GET4: variants seen among roughly 807,000 people sequenced by gnomAD.
GET4 encodes the protein guided entry of tail-anchored proteins factor 4.
GET4 carries 20 observed loss-of-function variants against 40.0 expected under a neutral mutation model. The observed-to-expected ratio is 0.50, with a 90% CI of 0.35 to 0.73. The LOEUF is 0.73. Among genes scored for constraint, GET4 ranks in the 30% least tolerant of loss-of-function variants. The probability of loss-of-function intolerance (pLI) is 0.01; values close to 1 mark genes in which losing one functional copy is unlikely to be tolerated. For missense variants in GET4, 557 were observed against 454.0 expected, an observed-to-expected ratio of 1.23 and a Z score of -2.06; for synonymous variants, 280 against 194.6, an observed-to-expected ratio of 1.44 and a Z score of -3.65.
rs184789538 is a variant in GET4, at chr7:888,967, G to A, written c.466+1448G>A. Among the ~76,000 whole-genome samples, 1,231 of 152,372 alleles carry A rather than the reference G, an allele frequency of 8.1e-3. 13 individuals are homozygous for A. The highest frequency in any genetic ancestry group is 0.013 in the Non-Finnish European group (916 of 68,030). ...GGCCGCCCTCGCCACTCCTGCGCAC[G>A]GGCCCTGTGGGGAGAGCCAGGCAGT... On this transcript the variant is annotated intron_variant, in intron 4 of 8. Coordinates refer to ENST00000265857, the MANE Select transcript of GET4 (RefSeq NM_015949.3).
chr7:889,053 T>C (rs74856929), intron 4 of GET4, among the ~76,000 whole-genome samples: 5,670 of 152,330 alleles, frequency 0.037, 118 homozygotes, highest in Non-Finnish European at 0.048. Context: ...TGGCAGCTCC[T>C]AAGATGGGTA....
At position 896,038 on chromosome 7, in the gene GET4, C is replaced by T. The variant is rs904372989; in HGVS notation, c.*616C>T. ...GTACTTGCAGCTGTGTCCCATGTGG[C>T]ATCCCAGAGCTGCGCCCTGCTGGTC... On this transcript the variant is annotated 3_prime_UTR_variant, in exon 9 of 9. Coordinates refer to ENST00000265857, the MANE Select transcript of GET4 (RefSeq NM_015949.3). 6 of 152,328 alleles carry T rather than the reference C, an allele frequency of 3.9e-5. No homozygotes were observed. Among genetic ancestry groups the T allele is most frequent in the Non-Finnish European group, 7.3e-5 (5 of 68,030 alleles). The allele number at this position is 152,328 out of a possible 1,614,324, so 9.4% of individuals were successfully genotyped here. A position where few individuals can be genotyped will look rare whatever the true frequency, so the allele number is the denominator to read the frequency against.
chr7:892,532 CGT>C (rs1248418393), intron 6 of GET4, 114 bp downstream of exon 6: 17 of 1,142,802 alleles, frequency 1.5e-5, no homozygotes, highest in Non-Finnish European at 1.9e-5. Context: ...TGTGGGTAGC[CGT>C]GTGGGTATAT....
At chr7:893,047 G>A (rs869068608) in intron 6 of GET4, among the ~76,000 whole-genome samples, 1 of 148,844 alleles carries the variant, frequency 6.7e-6, no homozygotes, top group Non-Finnish European at 1.5e-5. Context: ...GCAGGTGAGT[G>A]TTGGGTGTGG....
rs1844174662 is a variant in GET4, at chr7:885,747, C to A, written c.156-309C>A. On this transcript the variant is annotated intron_variant, in intron 1 of 8. Coordinates refer to ENST00000265857, the MANE Select transcript of GET4 (RefSeq NM_015949.3). The stretch of plus-strand genomic sequence containing the variant: ...GCTCCTTCCCTGCGCACCTGCCCTG[C>A]CCAGTGGCCTTTCTGGTCCCAGCTA... 1.3e-5 allele frequency: 5 copies of A among 372,034 alleles called. No individual in the cohort carries two copies. In the South Asian group the frequency reaches 1.5e-4, roughly 11 times the overall value. The allele number at this position is 372,034 out of a possible 1,614,324, so 23.0% of individuals were successfully genotyped here.
At chr7:885,179 C>T (rs1002207928) in intron 1 of GET4, 1 of 152,244 alleles carries the variant, frequency 6.6e-6, no homozygotes, top group Non-Finnish European at 1.5e-5. Context: ...AGCTGATTAA[C>T]TCGTTATGTA....
At chr7:882,749 G>T (rs1418368375) in intron 1 of GET4, 5 of 152,534 alleles carry the variant, frequency 3.3e-5, no homozygotes, top group African/African-American at 1.2e-4. Flanking sequence ...CTGGGACGGG[G>T]AGTCATCTCC....
intron 2 of GET4, 40 bp downstream of exon 2, chr7:886,174 G>C (rs770023785): frequency 7.5e-7 from 1 of 1,336,424 alleles, no homozygotes; most frequent in Non-Finnish European, 1.1e-6. Context: ...TTTCTGCTCC[G>C]GGCAGGCAAG....
rs146762326 is a variant in GET4 at position 890,974 on chromosome 7, C to T, written c.513C>T (p.Asp171=). The T allele has an allele frequency of 1.2e-4, 192 of 1,608,884 alleles. 3 individuals carry two copies. In the African/African-American group the frequency reaches 2.1e-3, roughly 18 times the overall value. The change falls in exon 5 of 9, where the codon GAC becomes GAT. Residue 171 remains aspartate, a synonymous_variant. Coordinates refer to ENST00000265857, the MANE Select transcript of GET4 (RefSeq NM_015949.3). ...GGTATCATTTTCTGCACTCAGCGGA[C>T]GGGGAGGGCTGTGCCAACATGCTGG... ...ESRYHFLHSA[D]GEGCANMLVE...
intron 1 of GET4, among the ~76,000 whole-genome samples, chr7:878,555 GT>G: frequency 6.7e-6 from 1 of 149,296 alleles, no homozygotes; most frequent in South Asian, 2.1e-4. Context: ...GTTTTCAGGG[GT>G]TTTTTCCTTT....
At position 884,770 on chromosome 7, in the gene GET4, C is replaced by A. The variant is rs979918570; in HGVS notation, c.156-1286C>A. 3.1e-5 allele frequency: 5 copies of A among 159,128 alleles called. No homozygotes were observed. The Admixed American group carries it at 3.2e-4, about 10-fold the overall frequency. The allele number at this position is 159,128 out of a possible 1,614,324, so 9.9% of individuals were successfully genotyped here. A position where few individuals can be genotyped will look rare whatever the true frequency, so the allele number is the denominator to read the frequency against. ...GCGTTGCTGTGGCTCTTTATCACCTCCACTGCAATTGGTTTTTGTTTGTTT... is the reference window on the plus strand; with the variant it reads ...GCGTTGCTGTGGCTCTTTATCACCTACACTGCAATTGGTTTTTGTTTGTTT... On this transcript the variant is annotated intron_variant, in intron 1 of 8. Coordinates refer to ENST00000265857, the MANE Select transcript of GET4 (RefSeq NM_015949.3).
In GET4 at chr7:886,037, G is replaced by T. The variant is rs199962638; in HGVS notation, c.156-19G>T. On this transcript the variant is annotated intron_variant, in intron 1 of 8. Coordinates refer to ENST00000265857, the MANE Select transcript of GET4 (RefSeq NM_015949.3). ...GCGAGGGCACGTGGGCGTGGCTCAC[G>T]GTCTCCTCTCTGTGGCAGGTACATG... The T allele has an allele frequency of 1.3e-5, 20 of 1,525,574 alleles. No homozygotes were observed. The highest frequency in any genetic ancestry group is 1.8e-5 in the Non-Finnish European group (20 of 1,100,934). The allele number at this position is 1,525,574 out of a possible 1,614,324, so 94.5% of individuals were successfully genotyped here.
At chr7:877,584 T>G (rs1267895298) in intron 1 of GET4, among the ~76,000 whole-genome samples, 1 of 124,888 alleles carries the variant, frequency 8.0e-6, no homozygotes, top group African/African-American at 3.2e-5. Flanking sequence ...GGCTTCCCTC[T>G]CCTAGCCTCC....
rs1041797491 is a variant in GET4 at position 890,937 on chromosome 7, A to G, written c.476A>G (p.Tyr159Cys). The change falls in exon 5 of 9, where the codon TAT (tyrosine) becomes TGT (cysteine). Residue 159 changes from tyrosine (Y) to cysteine (C), a missense_variant. Transcript: ENST00000265857. The stretch of plus-strand genomic sequence containing the variant: ...TGTCTTTCCTTTGCAGAACAAAACT[A>G]TTGTGAGTCGAGGTATCATTTTCTG... ...LALTLWKEQN[Y>C]CESRYHFLHS... 3.1e-6 allele frequency: 5 copies of G among 1,605,270 alleles called. No homozygotes were observed. Among genetic ancestry groups the G allele is most frequent in the African/African-American group, 2.7e-5 (2 of 74,708 alleles).
intron 1 of GET4, chr7:884,622 G>T (rs193051894): frequency 1.8e-3 from 446 of 244,928 alleles, no homozygotes; most frequent in Non-Finnish European, 2.8e-3. Flanking sequence ...TGTGTTTGGG[G>T]TCCCTGGCTG....
In GET4 at chr7:893,940, CA is replaced by C; in HGVS notation, c.866del (p.Lys289SerfsTer14). Reference protein sequence around the residue: ...IGQLFFGVPPKQTSSYGGLLG... With the variant: ...IGQLFFGVPPXQTSSYGGLLG... ...GACAGCTGTTCTTCGGCGTCCCGCC[CA>C]AGCAGACGTCTTCCTACGGGGGCCT... is the stretch of plus-strand genomic sequence containing the variant. On this transcript the variant is annotated frameshift_variant, in exon 8 of 9. Coordinates refer to ENST00000265857, the MANE Select transcript of GET4 (RefSeq NM_015949.3). LOFTEE classifies it high-confidence loss of function. 1 of 1,607,082 alleles carries C rather than the reference CA, an allele frequency of 6.2e-7. No homozygotes were observed. The highest frequency in any genetic ancestry group is 1.3e-5 in the African/African-American group (1 of 74,946).
At chr7:878,015 C>G (rs1240449525) in intron 1 of GET4, 1 of 252,288 alleles carries the variant, frequency 4.0e-6, no homozygotes, top group African/African-American at 2.3e-5. Context: ...CACCGGGCTC[C>G]GTAGGAAGTC....
At chr7:894,646 G>A (rs1844430921) in intron 8 of GET4, among the ~76,000 whole-genome samples, 1 of 152,192 alleles carries the variant, frequency 6.6e-6, no homozygotes, top group South Asian at 2.1e-4. Context: ...TGACTCTCCA[G>A]TCGAAACCGC....
rs2128630451 is a variant in GET4 at position 895,477 on chromosome 7, A to G, written c.*55A>G. On this transcript the variant is annotated 3_prime_UTR_variant, in exon 9 of 9. Transcript: ENST00000265857. ...TCGACGACGGCTGGAGGGACGTTTC[A>G]GAGGCGAGTCCTGGGTGGCTCCTCG... 1.1e-6 allele frequency: 1 copy of G among 934,982 alleles called. No individual in the cohort carries two copies. Among genetic ancestry groups the G allele is most frequent in the Non-Finnish European group, 1.7e-6 (1 of 581,224 alleles). The allele number at this position is 934,982 out of a possible 1,614,324, so 57.9% of individuals were successfully genotyped here. A position where few individuals can be genotyped will look rare whatever the true frequency, so the allele number is the denominator to read the frequency against.
Sources: gnomAD v4.1 joint callset for allele counts (sites outside exome capture counted in the v4.1 genomes callset) on GRCh38, gnomAD v4.1.1 for gene constraint, MANE v1.5 for transcripts, NCBI Gene and HGNC (gene_info 2026-07-23, HGNC 2026-07-21) for gene names.